The following SOS1 variants were observed in gnomAD, a reference collection of about 807,000 sequenced individuals.
SOS1 encodes SOS Ras/Rac guanine nucleotide exchange factor 1, also known as son of sevenless homolog 1.
A neutral mutation model predicts 157.6 loss-of-function variants in SOS1; 25 were observed. The ratio of observed to expected loss-of-function variants is 0.16; its 90% CI spans 0.12 to 0.22. The LOEUF is 0.22. Ranked by LOEUF, SOS1 falls within the 10% of genes least tolerant of loss-of-function variation. The pLI is 1.00. For missense variants in SOS1, 1,237 were observed against 1,599.1 expected, an observed-to-expected ratio of 0.77 and a Z score of 3.86; for synonymous variants, 528 against 534.0, an observed-to-expected ratio of 0.99 and a Z score of 0.16.
At chr2:39,060,367 T>C (rs1380698048) in intron 2 of SOS1, among the ~76,000 whole-genome samples, 2 of 152,228 alleles carry the variant, frequency 1.3e-5, no homozygotes, top group African/African-American at 2.4e-5. Context: ...AACAGTTTCC[T>C]AAAACAAACC....
chr2:38,998,837 A>ATG (rs1257160922), intron 17 of SOS1, among the ~76,000 whole-genome samples: 5 of 152,142 alleles, frequency 3.3e-5, no homozygotes, highest in Non-Finnish European at 5.9e-5. Context: ...CACTCCCCAC[A>ATG]TGTGTACGGA....
chr2:39,077,679 G>T (rs538239258), intron 1 of SOS1, among the ~76,000 whole-genome samples: 4 of 152,140 alleles, frequency 2.6e-5, no homozygotes, highest in African/African-American at 9.7e-5. Flanking sequence ...TACAGATCTT[G>T]TATGAAAATA....
Position 39,063,532 on chromosome 2 carries a change from T to G in SOS1, c.213+4096A>C, listed in dbSNP as rs189079893. Among the ~76,000 whole-genome samples the G allele has an allele frequency of 2.0e-5, 3 of 152,332 alleles. No homozygotes were observed. In the East Asian group the frequency reaches 5.8e-4, roughly 29 times the overall value. On this transcript the variant is annotated intron_variant, in intron 2 of 22. Transcript: ENST00000402219. The stretch of plus-strand genomic sequence containing the variant: ...AATACTAATATATTGGCAGTACCGA[T>G]TAGTGATTATTGGCTACATCAATAA...
chr2:39,102,527 T>A lies in SOS1; in HGVS notation c.87+17809A>T, dbSNP rs545257779. 2.6e-4 allele frequency among the ~76,000 whole-genome samples: 9 copies of A among 34,836 alleles called. No homozygotes were observed. The East Asian group carries it at 4.2e-3, about 16-fold the overall frequency. 22.9% of individuals were successfully genotyped at this position (34,836 alleles called of 152,430 possible). A position where few individuals can be genotyped will look rare whatever the true frequency, so the allele number is the denominator to read the frequency against. On this transcript the variant is annotated intron_variant, in intron 1 of 22. Transcript: ENST00000402219. ...GCCTGGGCAACAGAGCAAGACTCCATCTCAAAAAAAAAAAAAAAAAAAAAA... is the reference window on the plus strand; with the variant it reads ...GCCTGGGCAACAGAGCAAGACTCCAACTCAAAAAAAAAAAAAAAAAAAAAA...
chr2:39,099,738 T>TTGTA (rs1324209224), intron 1 of SOS1, among the ~76,000 whole-genome samples: 10 of 152,076 alleles, frequency 6.6e-5, no homozygotes, highest in African/African-American at 2.4e-4. Context: ...ACAAACCATA[T>TTGTA]ATCTTTTTTT....
chr2:39,040,186 T>C (rs1670517941), intron 6 of SOS1, among the ~76,000 whole-genome samples: 1 of 151,840 alleles, frequency 6.6e-6, no homozygotes, highest in Non-Finnish European at 1.5e-5. Context: ...TAATTTTTTT[T>C]TTTGTATTTT....
intron 3 of SOS1, among the ~76,000 whole-genome samples, chr2:39,057,653 T>G (rs1304455323): frequency 6.6e-6 from 1 of 152,070 alleles, no homozygotes; most frequent in African/African-American, 2.4e-5. Flanking sequence ...ATATTCACAA[T>G]TAGCACATAA....
intron 1 of SOS1, among the ~76,000 whole-genome samples, chr2:39,068,723 T>G (rs1213834516): frequency 6.6e-6 from 1 of 152,114 alleles, no homozygotes; most frequent in Non-Finnish European, 1.5e-5. Flanking sequence ...AAGTTTTACT[T>G]AAGAGTCCAC....
rs1168299529 is a variant in SOS1, at chr2:39,013,551, T to C, written c.2076A>G (p.Val692=). Residue 692 remains valine, a synonymous_variant, in exon 13 of 23, where the codon GTA becomes GTG. Transcript: ENST00000402219. ...IQPVQLRVLN[V]CRHWVEHHFY... ...AGTGGTGCTCTACCCAGTGCCGACA[T>C]ACATTTAATACTCTATGGCATTAAC... 1.9e-6 allele frequency: 3 copies of C among 1,593,570 alleles called. No individual in the cohort carries two copies. The highest frequency in any genetic ancestry group is 1.7e-4 in the Middle Eastern group (1 of 6,024).
intron 8 of SOS1, among the ~76,000 whole-genome samples, 160 bp downstream of exon 8, chr2:39,035,052 T>C (rs548942031): frequency 6.6e-6 from 1 of 152,270 alleles, no homozygotes; most frequent in South Asian, 2.1e-4. Context: ...GAAAATATGC[T>C]ACTCTTTTGC....
At chr2:39,059,743 TGGA>T (rs1425686709) in intron 2 of SOS1, among the ~76,000 whole-genome samples, 1 of 151,778 alleles carries the variant, frequency 6.6e-6, no homozygotes, top group Non-Finnish European at 1.5e-5. Flanking sequence ...GAGGGAGGGG[TGGA>T]GAACACAATG....
intron 19 of SOS1, 142 bp from the exon 20 acceptor site, chr2:38,995,529 A>T (rs1668866262): frequency 6.0e-6 from 4 of 671,828 alleles, no homozygotes; most frequent in Non-Finnish European, 2.6e-6. Context: ...AAATAAAAGT[A>T]GAACATTTAA....
chr2:39,117,866 AAACCAGTCAAATGTAAC>A (rs1261516951), intron 1 of SOS1, among the ~76,000 whole-genome samples: 1 of 152,260 alleles, frequency 6.6e-6, no homozygotes, highest in Admixed American at 6.5e-5. Context: ...CCAACATTTT[AAACCAGTCAAATGTAAC>A]AATAAAGCCA....
intron 1 of SOS1, among the ~76,000 whole-genome samples, chr2:39,114,597 C>T (rs922156710): frequency 3.9e-5 from 6 of 151,934 alleles, no homozygotes; most frequent in Non-Finnish European, 8.8e-5. Context: ...CCACCTGGCC[C>T]GGCTGATTTG....
At chr2:39,005,402 GA>G (rs1329624957) in intron 17 of SOS1, among the ~76,000 whole-genome samples, 1 of 152,092 alleles carries the variant, frequency 6.6e-6, no homozygotes, top group African/African-American at 2.4e-5. Context: ...AAAAAAGCTG[GA>G]AACAATGTGT....
At chr2:39,006,310 T>C (rs1669281040) in intron 17 of SOS1, 102 bp downstream of exon 17, 2 of 777,092 alleles carry the variant, frequency 2.6e-6, no homozygotes, top group Admixed American at 3.5e-5. Flanking sequence ...CAAACAAGTA[T>C]TTTCTGCTGG....
intron 6 of SOS1, among the ~76,000 whole-genome samples, chr2:39,038,685 G>A (rs539747291): frequency 8.9e-6 from 1 of 112,442 alleles, no homozygotes; most frequent in Non-Finnish European, 1.7e-5. Flanking sequence ...AGTGAGCCGA[G>A]ATCACACCAC....
chr2:39,066,981 C>A (rs1232301264), intron 2 of SOS1, among the ~76,000 whole-genome samples: 1 of 152,084 alleles, frequency 6.6e-6, no homozygotes, highest in Non-Finnish European at 1.5e-5. Flanking sequence ...TACAAACTAT[C>A]CTATATGCAA....
At position 39,019,712 on chromosome 2, in the gene SOS1, T is replaced by C. The variant is rs540361336; in HGVS notation, c.1858+2858A>G. Among the ~76,000 whole-genome samples the C allele has an allele frequency of 9.9e-5, 15 of 151,678 alleles. No homozygotes were observed. The South Asian group carries it at 1.7e-3, about 17-fold the overall frequency. On this transcript the variant is annotated intron_variant, in intron 10 of 22. Transcript: ENST00000402219. ...CCCTTTAGTGAGCAAACTACATCAA[T>C]AGACTAATAATTGGGTTTTGTAAAA...
Sources: gnomAD v4.1 joint callset for allele counts (sites outside exome capture counted in the v4.1 genomes callset) on GRCh38, gnomAD v4.1.1 for gene constraint, MANE v1.5 for transcripts, NCBI Gene and HGNC (gene_info 2026-07-23, HGNC 2026-07-21) for gene names.